CCNK: variants seen among roughly 807,000 people sequenced by gnomAD.
CCNK encodes the protein cyclin-K.
CCNK carries 9 observed loss-of-function variants against 65.0 expected under a neutral mutation model. That is an observed-to-expected ratio of 0.14 (90% confidence interval 0.08 to 0.24). The LOEUF is 0.24. Among genes scored for constraint, CCNK ranks in the 10% least tolerant of loss-of-function variants. The pLI, the probability that CCNK is intolerant of heterozygous loss-of-function variation, is 1.00. For missense variants in CCNK, 474 were observed against 720.0 expected (o/e 0.66, Z 3.91); for synonymous variants, 279 against 270.8 (o/e 1.03, Z -0.30).
chr14:99,495,267 G>A (rs1371001142), intron 3 of CCNK: 2 of 260,582 alleles, frequency 7.7e-6, no homozygotes, highest in Non-Finnish European at 1.4e-5. Flanking sequence ...TTGTTTACAT[G>A]ACTTTTTTTT....
chr14:99,504,157 A>G (rs560720360), intron 9 of CCNK: 3 of 277,744 alleles, frequency 1.1e-5, no homozygotes, highest in Non-Finnish European at 2.2e-5. Flanking sequence ...AATATTGGAA[A>G]TAAACAGAAG....
chr14:99,510,525 C>T lies in CCNK; in HGVS notation c.1486C>T (p.Pro496Ser). 1.8e-6 allele frequency: 1 copy of T among 570,502 alleles called. No individual in the cohort carries two copies. Among genetic ancestry groups the T allele is most frequent in the Non-Finnish European group, 2.7e-6 (1 of 365,564 alleles). The allele number at this position is 570,502 out of a possible 1,614,324, so 35.3% of individuals were successfully genotyped here. The change falls in exon 11 of 11, where the codon CCA (proline) becomes TCA (serine). Residue 496 changes from proline to serine, a missense_variant. Physicochemically the swap from Pro to Ser is moderately conservative, Grantham distance 74. Around this residue, in one of 6 missense-constraint regions of CCNK, gnomAD observed 38 missense variants for 19.2 expected, o/e 1.98. Coordinates refer to ENST00000389879, the MANE Select transcript of CCNK (RefSeq NM_001099402.2). ...GCCTCCTCCCCCAGCCTCCTTCCCC[C>T]CACCTGCCATCCCACCCCCTACTCC... ...PVPPPPASFP[P>S]PAIPPPTPGY... is the part of the protein sequence containing the mutation.
chr14:99,510,613 C>T lies in CCNK; in HGVS notation c.1574C>T (p.Pro525Leu). 3 of 1,333,332 alleles carry T rather than the reference C, an allele frequency of 2.3e-6. No homozygotes were observed. The highest frequency in any genetic ancestry group is 2.9e-6 in the Non-Finnish European group (3 of 1,024,822). 82.6% of individuals were successfully genotyped at this position (1,333,332 alleles called of 1,614,324 possible). The change falls in exon 11 of 11, where the codon CCG (proline) becomes CTG (leucine). Residue 525 changes from proline to leucine, a missense_variant. Physicochemically the swap from Pro to Leu is moderately conservative, Grantham distance 98. Around this residue, in one of 6 missense-constraint regions of CCNK, gnomAD observed 53 missense variants for 91.4 expected, o/e 0.58. Coordinates refer to ENST00000389879, the MANE Select transcript of CCNK (RefSeq NM_001099402.2). ...TTCCCACCCCCACCCCCACGCCTCC[C>T]GCCTACCCACGCAGTCCCCCCTCAT... is the stretch of plus-strand genomic sequence containing the variant. ...PNFPPPPPRL[P>L]PTHAVPPHPP...
chr14:99,508,941 C>A lies in CCNK; in HGVS notation c.1118-1216C>A, dbSNP rs533743838. ...GTCAGCTCCTAGAACCACAGGGCAT[C>A]TGGCCCTGACCTGGAGCCAAAGCCA... On this transcript the variant is annotated intron_variant, in intron 10 of 10. Transcript: ENST00000389879. 4.6e-4 allele frequency: 70 copies of A among 152,396 alleles called. 1 individual carries two copies. Among genetic ancestry groups the A allele is most frequent in the Admixed American group, 4.6e-3 (70 of 15,304 alleles). The allele number at this position is 152,396 out of a possible 1,614,324, so 9.4% of individuals were successfully genotyped here. A position where few individuals can be genotyped will look rare whatever the true frequency, so the allele number is the denominator to read the frequency against.
intron 6 of CCNK, chr14:99,501,671 A>C (rs758021988): frequency 7.0e-5 from 31 of 444,268 alleles, no homozygotes; most frequent in Non-Finnish European, 1.0e-4. Context: ...CCAAAACAAT[A>C]CACTGGAGAA....
At chr14:99,503,084 A>G in intron 8 of CCNK, 100 bp downstream of exon 8, 1 of 1,339,856 alleles carries the variant, frequency 7.5e-7, no homozygotes. Flanking sequence ...GGAACACCGG[A>G]AGCAGGGGGT....
intron 4 of CCNK, among the ~76,000 whole-genome samples, chr14:99,498,585 G>A (rs1013016925): frequency 1.3e-5 from 2 of 152,024 alleles, no homozygotes; most frequent in African/African-American, 4.8e-5. Context: ...TGTAATATTC[G>A]TTTCAGCCTT....
chr14:99,489,564 T>C (rs755576521), intron 1 of CCNK, among the ~76,000 whole-genome samples: 2 of 152,128 alleles, frequency 1.3e-5, no homozygotes, highest in Non-Finnish European at 2.9e-5. Flanking sequence ...AATAAACAAA[T>C]AAATAATTCT....
intron 4 of CCNK, chr14:99,500,053 A>G (rs973937989): frequency 1.3e-5 from 2 of 152,230 alleles, no homozygotes; most frequent in African/African-American, 4.8e-5. Flanking sequence ...AATCCCTTTG[A>G]TCCTGGTCCA....
At chr14:99,496,695 G>A (rs1016009439) in intron 4 of CCNK, among the ~76,000 whole-genome samples, 3 of 150,468 alleles carry the variant, frequency 2.0e-5, no homozygotes, top group African/African-American at 7.4e-5. Context: ...GGGCGACGGA[G>A]CAAAACTCCA....
At chr14:99,504,638 CAG>C (rs1896928798) in intron 9 of CCNK, 1 of 152,052 alleles carries the variant, frequency 6.6e-6, no homozygotes, top group South Asian at 2.1e-4. Context: ...TTAGTAGAGA[CAG>C]GGTTTCTCCA....
intron 4 of CCNK, among the ~76,000 whole-genome samples, chr14:99,496,736 CT>C (rs1214677674): frequency 6.7e-6 from 1 of 149,326 alleles, no homozygotes; most frequent in Non-Finnish European, 1.5e-5. Flanking sequence ...ACTAATATTA[CT>C]TTAAAAAAAA....
At chr14:99,492,443 G>A in intron 1 of CCNK, 183 bp from the exon 2 acceptor site, 1 of 481,920 alleles carries the variant, frequency 2.1e-6, no homozygotes, top group Admixed American at 4.2e-5. Flanking sequence ...ATTAATATTA[G>A]TACTGGGGTC....
chr14:99,501,463 G>C (rs1224245161), intron 6 of CCNK, 50 bp downstream of exon 6: 6 of 1,175,904 alleles, frequency 5.1e-6, no homozygotes, highest in Non-Finnish European at 7.6e-6. Flanking sequence ...AATAGGCAGA[G>C]ACTTTATGGA....
chr14:99,495,297 A>G (rs1896677530), intron 3 of CCNK: 1 of 302,000 alleles, frequency 3.3e-6, no homozygotes. Flanking sequence ...TAAATTTTAA[A>G]TAATTTATGA....
At chr14:99,499,244 G>T (rs1896767618) in intron 4 of CCNK, among the ~76,000 whole-genome samples, 1 of 152,120 alleles carries the variant, frequency 6.6e-6, no homozygotes, top group East Asian at 1.9e-4. Flanking sequence ...CAGCATGTTG[G>T]CCAGGCTGGT....
chr14:99,498,166 G>C (rs7158915), intron 4 of CCNK, among the ~76,000 whole-genome samples: 75,814 of 151,946 alleles, frequency 0.5, 19,522 homozygotes, highest in Non-Finnish European at 0.58. Flanking sequence ...GCCATCCCAG[G>C]GTGCCTTGGA....
intron 1 of CCNK, among the ~76,000 whole-genome samples, chr14:99,489,775 G>T (rs1388973997): frequency 6.6e-6 from 1 of 152,132 alleles, no homozygotes; most frequent in Non-Finnish European, 1.5e-5. Flanking sequence ...ACTCTGCAGG[G>T]AGTCAAGCTG....
At chr14:99,493,714 G>T in intron 3 of CCNK, 119 bp downstream of exon 3, 1 of 620,842 alleles carries the variant, frequency 1.6e-6, no homozygotes, top group Non-Finnish European at 2.7e-6. Flanking sequence ...ATTTTTATAT[G>T]GTATATACTG....
Sources: gnomAD v4.1 joint callset for allele counts (sites outside exome capture counted in the v4.1 genomes callset) on GRCh38, gnomAD v4.1.1 for gene constraint, gnomAD v4.1.1 regional missense constraint, MANE v1.5 for transcripts, NCBI Gene and HGNC (gene_info 2026-07-23, HGNC 2026-07-21) for gene names.